The following PSD3 variants were observed in gnomAD, a reference collection of about 807,000 sequenced individuals.
PSD3 encodes pleckstrin and Sec7 domain containing 3, also known as PH and SEC7 domain-containing protein 3.
Under a neutral mutation model 105.5 loss-of-function variants are expected in PSD3, and 49 were observed. The ratio of observed to expected loss-of-function variants is 0.46; its 90% CI spans 0.37 to 0.59. PSD3 has a LOEUF of 0.59. Among genes scored for constraint, PSD3 ranks in the 20% least tolerant of loss-of-function variants. The pLI is 0.00. For synonymous variants in PSD3, 557 were observed against 457.8 expected, an observed-to-expected ratio of 1.22 and a Z score of -2.77; for missense variants, 1,561 against 1,263.8, an observed-to-expected ratio of 1.24 and a Z score of -3.57.
At chr8:18,605,440 G>C (rs952398038) in intron 11 of PSD3, among the ~76,000 whole-genome samples, 7 of 151,866 alleles carry the variant, frequency 4.6e-5, no homozygotes, top group Admixed American at 1.3e-4. Context: ...TATCCCCATT[G>C]TATCTTGGGA....
chr8:18,808,868 G>A, intron 4 of PSD3: 1 of 1,597,892 alleles, frequency 6.3e-7, no homozygotes, highest in East Asian at 2.2e-5. Flanking sequence ...TTCAGTGACT[G>A]CCGAGCCTCA....
At chr8:19,056,627 A>G (rs1340032238) in intron 1 of PSD3, among the ~76,000 whole-genome samples, 1 of 152,200 alleles carries the variant, frequency 6.6e-6, no homozygotes, top group South Asian at 2.1e-4. Context: ...CACATTTTCC[A>G]TTATCAGTTT....
intron 1 of PSD3, among the ~76,000 whole-genome samples, chr8:18,948,576 C>T (rs917854298): frequency 1.3e-5 from 2 of 152,130 alleles, no homozygotes; most frequent in African/African-American, 2.4e-5. Context: ...CAGGCTCACA[C>T]GAAGTGTTCA....
chr8:18,948,329 G>C (rs1305653369), intron 1 of PSD3, among the ~76,000 whole-genome samples: 2 of 152,202 alleles, frequency 1.3e-5, no homozygotes, highest in Non-Finnish European at 1.5e-5. Flanking sequence ...TTAACAGGAG[G>C]ATGGAGCTCT....
At chr8:18,541,193 C>A (rs1019342860) in intron 15 of PSD3, among the ~76,000 whole-genome samples, 2 of 150,970 alleles carry the variant, frequency 1.3e-5, no homozygotes, top group African/African-American at 4.9e-5. Flanking sequence ...TCCTCCTTTG[C>A]CCCCCAATAC....
At chr8:18,782,306 A>G (rs1212296357) in intron 8 of PSD3, among the ~76,000 whole-genome samples, 1 of 151,716 alleles carries the variant, frequency 6.6e-6, no homozygotes, top group African/African-American at 2.4e-5. Context: ...ATCCAACTCT[A>G]TGGATTGGGT....
At chr8:19,039,079 C>T (rs370803733) in intron 1 of PSD3, among the ~76,000 whole-genome samples, 1 of 152,300 alleles carries the variant, frequency 6.6e-6, no homozygotes, top group East Asian at 1.9e-4. Context: ...ACTGCTGAAA[C>T]TGCTTTCTAC....
In PSD3 at chr8:18,978,522, C is replaced by G. The variant is rs974793064; in HGVS notation, c.21+35041G>C. On this transcript the variant is annotated intron_variant, in intron 1 of 15. Transcript: ENST00000327040. ...ATGCACCTTTCAATTTGCCCCTCCT[C>G]TCCTTAACATCTCTCCATAACCTGA... 4.6e-5 allele frequency among the ~76,000 whole-genome samples: 7 copies of G among 152,182 alleles called. No individual in the cohort carries two copies. The South Asian group carries it at 1.4e-3, about 32-fold the overall frequency.
intron 9 of PSD3, among the ~76,000 whole-genome samples, chr8:18,667,891 G>T (rs536982577): frequency 6.6e-6 from 1 of 152,358 alleles, no homozygotes; most frequent in South Asian, 2.1e-4. Flanking sequence ...GCACTGCTGG[G>T]GGACCCGGTG....
rs1287934747 is a variant in PSD3 at position 18,830,490 on chromosome 8, G to T, written c.1635-25592C>A. On this transcript the variant is annotated intron_variant, in intron 4 of 15. Transcript: ENST00000327040. ...ATCTCTTTTAGTCATTTCCCAGGAG[G>T]ACACAGAACACAGGCACAATGCAAC... 3.9e-5 allele frequency among the ~76,000 whole-genome samples: 6 copies of T among 152,148 alleles called. No homozygotes were observed. The South Asian group carries it at 6.2e-4, about 16-fold the overall frequency.
At chr8:19,067,352 C>T (rs1829107662) in intron 1 of PSD3, among the ~76,000 whole-genome samples, 1 of 152,158 alleles carries the variant, frequency 6.6e-6, no homozygotes. Context: ...ATTCAAGCAT[C>T]ACCTCATCCA....
chr8:18,536,065 A>C, intron 15 of PSD3, 107 bp from the exon 16 acceptor site: 1 of 1,077,086 alleles, frequency 9.3e-7, no homozygotes, highest in Non-Finnish European at 1.4e-6. Flanking sequence ...GCTGTTGAAG[A>C]CTTCGCTTCA....
chr8:18,750,552 A>C (rs1033655066), intron 9 of PSD3, among the ~76,000 whole-genome samples: 1 of 152,034 alleles, frequency 6.6e-6, no homozygotes, highest in Non-Finnish European at 1.5e-5. Context: ...GAGCGAAAGA[A>C]CAAACCTTCC....
intron 1 of PSD3, among the ~76,000 whole-genome samples, chr8:19,077,852 C>G (rs1346206549): frequency 6.6e-6 from 1 of 152,120 alleles, no homozygotes; most frequent in Non-Finnish European, 1.5e-5. Context: ...TGTGGCTAAT[C>G]TCCACCTTTT....
Position 18,829,109 on chromosome 8 carries a change from T to C in PSD3, c.1635-24211A>G, listed in dbSNP as rs552413368. ...TGAAAATTTAAAAATTAGTTGGGCA[T>C]GGTGGCATGTGTCTATGGTCTCAGC... On this transcript the variant is annotated intron_variant, in intron 4 of 15. Coordinates refer to ENST00000327040, the MANE Select transcript of PSD3 (RefSeq NM_015310.4). Among the ~76,000 whole-genome samples, 78 of 152,038 alleles carry C rather than the reference T, an allele frequency of 5.1e-4. 1 individual carries two copies. The highest frequency in any genetic ancestry group is 1.9e-3 in the African/African-American group (77 of 41,474).
chr8:18,617,238 A>G (rs2130689384), intron 11 of PSD3, among the ~76,000 whole-genome samples: 1 of 152,158 alleles, frequency 6.6e-6, no homozygotes, highest in South Asian at 2.1e-4. Context: ...TTAATTTTAA[A>G]CTTTTCTACT....
At chr8:18,805,123 G>C in intron 4 of PSD3, among the ~76,000 whole-genome samples, 1 of 152,066 alleles carries the variant, frequency 6.6e-6, no homozygotes, top group South Asian at 2.1e-4. Flanking sequence ...TCAGTCTCTA[G>C]ACCTTTACAT....
chr8:18,680,640 GAGAAAA>G (rs1800332127), intron 9 of PSD3, among the ~76,000 whole-genome samples: 1 of 152,004 alleles, frequency 6.6e-6, no homozygotes, highest in Admixed American at 6.6e-5. Flanking sequence ...CATTATTATC[GAGAAAA>G]AGACAAAGCC....
At chr8:18,540,003 A>G (rs1404794321) in intron 15 of PSD3, among the ~76,000 whole-genome samples, 1 of 152,028 alleles carries the variant, frequency 6.6e-6, no homozygotes, top group Non-Finnish European at 1.5e-5. Context: ...TACTAATGGA[A>G]CTGTGCGCTT....
Sources: gnomAD v4.1 joint callset for allele counts (sites outside exome capture counted in the v4.1 genomes callset) on GRCh38, gnomAD v4.1.1 for gene constraint, MANE v1.5 for transcripts, NCBI Gene and HGNC (gene_info 2026-07-23, HGNC 2026-07-21) for gene names.